WDR7: variants seen among roughly 807,000 people sequenced by gnomAD.
WDR7 encodes WD repeat domain 7, also known as WD repeat-containing protein 7.
WDR7 carries 46 observed loss-of-function variants against 169.4 expected under a neutral mutation model. The observed-to-expected ratio is 0.27, with a 90% CI of 0.21 to 0.35. The LOEUF (loss-of-function observed/expected upper bound fraction) is 0.35. Ranked by LOEUF, WDR7 falls within the 10% of genes least tolerant of loss-of-function variation. The pLI, the probability that WDR7 is intolerant of heterozygous loss-of-function variation, is 1.00. For missense variants in WDR7, 1,534 were observed against 1,859.3 expected, an observed-to-expected ratio of 0.83 and a Z score of 3.22; for synonymous variants, 612 against 666.8, an observed-to-expected ratio of 0.92 and a Z score of 1.27.
At chr18:56,993,089 T>C (rs2047840970) in intron 26 of WDR7, among the ~76,000 whole-genome samples, 1 of 152,188 alleles carries the variant, frequency 6.6e-6, no homozygotes, top group East Asian at 1.9e-4. Flanking sequence ...TTTTTACATA[T>C]GTGACAAATA....
intron 26 of WDR7, among the ~76,000 whole-genome samples, chr18:56,991,391 T>C (rs1657420): frequency 0.61 from 92,546 of 151,818 alleles, 28,733 homozygotes; most frequent in Middle Eastern, 0.73. Flanking sequence ...GTGATCCGCC[T>C]GCCTTGGCCT....
intron 21 of WDR7, among the ~76,000 whole-genome samples, chr18:56,921,307 T>C (rs1168124083): frequency 6.6e-6 from 1 of 152,244 alleles, no homozygotes; most frequent in Non-Finnish European, 1.5e-5. Flanking sequence ...ATCATACTCT[T>C]ACCAGTAGAT....
intron 20 of WDR7, among the ~76,000 whole-genome samples, chr18:56,875,695 A>G (rs1471652820): frequency 6.6e-6 from 1 of 152,200 alleles, no homozygotes; most frequent in Non-Finnish European, 1.5e-5. Flanking sequence ...GAAAGTTCTC[A>G]TTGATTCTGT....
intron 14 of WDR7, among the ~76,000 whole-genome samples, chr18:56,739,993 A>G (rs1389749897): frequency 1.3e-5 from 2 of 150,208 alleles, no homozygotes; most frequent in Non-Finnish European, 3.0e-5. Context: ...TTCAGATGCT[A>G]TTTTCTTACC....
At chr18:56,916,358 A>G (rs1269194655) in intron 21 of WDR7, among the ~76,000 whole-genome samples, 2 of 151,480 alleles carry the variant, frequency 1.3e-5, no homozygotes, top group East Asian at 3.9e-4. Context: ...ATGAGTGAGA[A>G]CATGCGGTGT....
intron 20 of WDR7, among the ~76,000 whole-genome samples, chr18:56,832,079 A>C (rs974426565): frequency 4.6e-5 from 7 of 152,172 alleles, no homozygotes; most frequent in Non-Finnish European, 8.8e-5. Context: ...CCAGCAAGCT[A>C]AGATCCACAG....
intron 20 of WDR7, among the ~76,000 whole-genome samples, chr18:56,842,671 A>T (rs974189671): frequency 5.3e-5 from 8 of 152,180 alleles, no homozygotes; most frequent in Admixed American, 2.0e-4. Context: ...ACATCCTTTT[A>T]GTGTTTTATT....
At chr18:56,873,455 A>G (rs1410941865) in intron 20 of WDR7, 2 of 152,206 alleles carry the variant, frequency 1.3e-5, no homozygotes, top group Non-Finnish European at 2.9e-5. Context: ...AGTTAAGACA[A>G]AATTGAGGCA....
intron 20 of WDR7, among the ~76,000 whole-genome samples, chr18:56,876,496 T>G (rs185344896): frequency 2.3e-3 from 352 of 152,328 alleles, no homozygotes; most frequent in African/African-American, 8.0e-3. Context: ...TGATCTGGGC[T>G]GAAACCATTA....
At chr18:56,779,309 C>A (rs1251503934) in intron 17 of WDR7, 122 bp from the exon 18 acceptor site, 1 of 617,086 alleles carries the variant, frequency 1.6e-6, no homozygotes, top group East Asian at 2.8e-5. Context: ...AAATTGAAAT[C>A]ATTTGTAATA....
intron 26 of WDR7, among the ~76,000 whole-genome samples, chr18:57,008,041 A>G (rs1227483240): frequency 1.3e-5 from 2 of 151,896 alleles, no homozygotes; most frequent in African/African-American, 2.4e-5. Context: ...ACTCTCTAAC[A>G]TATTTCTGTG....
At chr18:56,865,044 G>C (rs1490326837) in intron 20 of WDR7, among the ~76,000 whole-genome samples, 1 of 151,840 alleles carries the variant, frequency 6.6e-6, no homozygotes. Flanking sequence ...CTAATCCAGC[G>C]GTAAATATGT....
At chr18:56,839,155 TG>T (rs2045442298) in intron 20 of WDR7, among the ~76,000 whole-genome samples, 1 of 152,182 alleles carries the variant, frequency 6.6e-6, no homozygotes, top group Admixed American at 6.5e-5. Flanking sequence ...TATAAATAGT[TG>T]TACATATTTT....
chr18:56,781,908 C>G, intron 19 of WDR7: 2 of 275,836 alleles, frequency 7.3e-6, no homozygotes, highest in Non-Finnish European at 1.3e-5. Context: ...AATGAATTCC[C>G]CATCAAACAT....
chr18:56,757,611 T>C (rs1054300388), intron 15 of WDR7, among the ~76,000 whole-genome samples: 1 of 152,168 alleles, frequency 6.6e-6, no homozygotes, highest in Non-Finnish European at 1.5e-5. Context: ...TCATATAGAC[T>C]AGCTCTTGTA....
chr18:56,914,074 G>C (rs1019978528), intron 21 of WDR7, among the ~76,000 whole-genome samples: 1 of 152,108 alleles, frequency 6.6e-6, no homozygotes, highest in Non-Finnish European at 1.5e-5. Context: ...GATCCATCCC[G>C]CAGCTACCTC....
At chr18:56,823,666 G>A (rs2045143209) in intron 20 of WDR7, among the ~76,000 whole-genome samples, 1 of 152,030 alleles carries the variant, frequency 6.6e-6, no homozygotes, top group African/African-American at 2.4e-5. Context: ...TCAGTTAAAG[G>A]CACATCACTA....
At chr18:57,032,810 TATATATA>T (rs1568036565), downstream of WDR7, 1 of 19,966 alleles carries the variant, frequency 5.0e-5, no homozygotes, top group African/African-American at 2.7e-4. Flanking sequence ...TTTATATATA[TATATATA>T]TATATATATA....
At chr18:57,005,070 T>C (rs2048036360) in intron 26 of WDR7, among the ~76,000 whole-genome samples, 1 of 152,208 alleles carries the variant, frequency 6.6e-6, no homozygotes, top group Admixed American at 6.5e-5. Flanking sequence ...AGTCATAAAT[T>C]AAAAATCTGT....
Sources: gnomAD v4.1 joint callset for allele counts (sites outside exome capture counted in the v4.1 genomes callset) on GRCh38, gnomAD v4.1.1 for gene constraint, MANE v1.5 for transcripts, NCBI Gene and HGNC (gene_info 2026-07-23, HGNC 2026-07-21) for gene names.